The following FHIT variants were observed in gnomAD, a reference collection of about 807,000 sequenced individuals.
The protein encoded by FHIT is bis(5'-adenosyl)-triphosphatase.
In FHIT, 19 loss-of-function variants were observed where a neutral mutation model predicts 17.9. The observed-to-expected ratio is 1.06, with a 90% CI of 0.74 to 1.56. FHIT has a LOEUF of 1.56. Ranked by LOEUF, FHIT falls within the 40% of genes most tolerant of loss-of-function variation. The pLI is 0.00. For synonymous variants in FHIT, 81 were observed against 69.7 expected, an observed-to-expected ratio of 1.16 and a Z score of -0.81; for missense variants, 248 against 189.2, an observed-to-expected ratio of 1.31 and a Z score of -1.82.
intron 4 of FHIT, among the ~76,000 whole-genome samples, chr3:60,754,829 C>T (rs1553717887): frequency 6.6e-6 from 1 of 152,170 alleles, no homozygotes; most frequent in African/African-American, 2.4e-5. Flanking sequence ...ATAAACCTGA[C>T]AGTGTCCCAT....
intron 8 of FHIT, among the ~76,000 whole-genome samples, chr3:59,842,947 G>A (rs965594326): frequency 2.6e-5 from 4 of 151,972 alleles, no homozygotes; most frequent in Admixed American, 6.6e-5. Flanking sequence ...TTTGATGCCC[G>A]TGTCTCTGGT....
intron 8 of FHIT, among the ~76,000 whole-genome samples, chr3:59,825,079 G>C (rs1479285920): frequency 6.6e-6 from 1 of 152,202 alleles, no homozygotes; most frequent in Admixed American, 6.5e-5. Context: ...TGTTTGAAGT[G>C]TTGCAGTCTC....
intron 8 of FHIT, among the ~76,000 whole-genome samples, chr3:59,862,731 CG>C (rs1242852174): frequency 2.0e-5 from 3 of 152,076 alleles, no homozygotes; most frequent in Admixed American, 6.6e-5. Context: ...GAAGTAAGAT[CG>C]GGAGGGAAGA....
intron 5 of FHIT, among the ~76,000 whole-genome samples, chr3:60,300,803 C>T (rs1468411232): frequency 6.6e-6 from 1 of 152,026 alleles, no homozygotes; most frequent in Non-Finnish European, 1.5e-5. Flanking sequence ...ACCTCTGACT[C>T]CCCCTATTCC....
intron 4 of FHIT, among the ~76,000 whole-genome samples, chr3:60,557,933 C>G (rs530612384): frequency 6.6e-6 from 1 of 152,142 alleles, no homozygotes; most frequent in Non-Finnish European, 1.5e-5. Flanking sequence ...CATTTGCACC[C>G]TGGTTTCATT....
chr3:60,300,551 C>T (rs758622475), intron 5 of FHIT, among the ~76,000 whole-genome samples: 18 of 152,002 alleles, frequency 1.2e-4, no homozygotes, highest in South Asian at 4.1e-4. Flanking sequence ...ATGATATCAC[C>T]GAGGTGCCCT....
chr3:60,004,450 G>A (rs890898068), intron 7 of FHIT, among the ~76,000 whole-genome samples: 1 of 152,100 alleles, frequency 6.6e-6, no homozygotes, highest in African/African-American at 2.4e-5. Context: ...TTGACATACA[G>A]CAATAAAGCA....
rs73839580 is a variant in FHIT, at chr3:59,889,265, C to T, written c.348+33081G>A. Among the ~76,000 whole-genome samples, 1,153 of 152,328 alleles carry T rather than the reference C, an allele frequency of 7.6e-3. 15 individuals are homozygous for T. Among genetic ancestry groups the T allele is most frequent in the African/African-American group, 0.027 (1,107 of 41,562 alleles). On this transcript the variant is annotated intron_variant, in intron 8 of 9. Transcript: ENST00000492590. ...CACCAGGCATCAAGAGGCAGTCCAG[C>T]CTTTCTAATTCATACTGTCTGACAT... is the stretch of plus-strand genomic sequence containing the variant.
chr3:60,955,641 C>CACAT, intron 3 of FHIT, among the ~76,000 whole-genome samples: 1 of 33,376 alleles, frequency 3.0e-5, no homozygotes, highest in Non-Finnish European at 7.0e-5. Context: ...TATACACACA[C>CACAT]ACACATATAT....
chr3:61,213,738 T>C (rs2039570877), intron 1 of FHIT, among the ~76,000 whole-genome samples: 1 of 152,154 alleles, frequency 6.6e-6, no homozygotes, highest in African/African-American at 2.4e-5. Flanking sequence ...TATTCCAAAA[T>C]TGACCACATA....
chr3:61,207,762 A>C (rs1202870231), intron 1 of FHIT, among the ~76,000 whole-genome samples: 1 of 152,126 alleles, frequency 6.6e-6, no homozygotes, highest in African/African-American at 2.4e-5. Flanking sequence ...ATCTTTTCAA[A>C]AAACCAGCTC....
chr3:60,367,354 T>C (rs904678747), intron 5 of FHIT, among the ~76,000 whole-genome samples: 3 of 152,234 alleles, frequency 2.0e-5, no homozygotes, highest in Non-Finnish European at 4.4e-5. Context: ...TAGATTATTT[T>C]CTGAAAAGAA....
intron 5 of FHIT, among the ~76,000 whole-genome samples, chr3:60,131,068 TATGTATGTATACAC>T (rs751130152): frequency 0.26 from 26,482 of 101,480 alleles, 2,920 homozygotes; most frequent in African/African-American, 0.37. Context: ...CATACACATG[TATGTATGTATACAC>T]ATATATACAC....
intron 8 of FHIT, among the ~76,000 whole-genome samples, chr3:59,896,028 G>C (rs1704054172): frequency 6.6e-6 from 1 of 152,184 alleles, no homozygotes; most frequent in Non-Finnish European, 1.5e-5. Context: ...ACTCGTCAGA[G>C]AAATTTTTTG....
intron 5 of FHIT, among the ~76,000 whole-genome samples, chr3:60,297,557 C>G (rs553678079): frequency 6.8e-6 from 1 of 147,626 alleles, no homozygotes; most frequent in African/African-American, 2.5e-5. Context: ...CTAGGTATGA[C>G]TTACAAGGAA....
chr3:61,211,165 T>C (rs2039456274), intron 1 of FHIT, among the ~76,000 whole-genome samples: 1 of 151,648 alleles, frequency 6.6e-6, no homozygotes, highest in Non-Finnish European at 1.5e-5. Flanking sequence ...GGACAGTGGT[T>C]GCAGAGCACC....
chr3:60,747,062 G>T (rs2042372015), intron 4 of FHIT, among the ~76,000 whole-genome samples: 1 of 151,832 alleles, frequency 6.6e-6, no homozygotes. Context: ...TTACCTTACT[G>T]GTTTTATCTC....
intron 1 of FHIT, among the ~76,000 whole-genome samples, chr3:61,209,223 G>A (rs559786033): frequency 1.3e-5 from 2 of 152,298 alleles, no homozygotes; most frequent in South Asian, 2.1e-4. Flanking sequence ...TGGGTAACCC[G>A]ACCTTTCTCT....
Position 61,006,097 on chromosome 3 carries a change from G to A in FHIT, c.-111+35950C>T, listed in dbSNP as rs879576525. On this transcript the variant is annotated intron_variant, in intron 3 of 9. Coordinates refer to ENST00000492590, the MANE Select transcript of FHIT (RefSeq NM_002012.4). Reference sequence around the variant, plus strand: ...GGTTTTTAAAAAAAAAAAATTGCCTGAAGTCACATTTGAAAATAAAGAGCT... The same window carrying A: ...GGTTTTTAAAAAAAAAAAATTGCCTAAAGTCACATTTGAAAATAAAGAGCT... Among the ~76,000 whole-genome samples, 16 of 152,086 alleles carry A rather than the reference G, an allele frequency of 1.1e-4. No individual in the cohort carries two copies. In the East Asian group the frequency reaches 1.5e-3, roughly 15 times the overall value.
Sources: gnomAD v4.1 joint callset for allele counts (sites outside exome capture counted in the v4.1 genomes callset) on GRCh38, gnomAD v4.1.1 for gene constraint, MANE v1.5 for transcripts, NCBI Gene and HGNC (gene_info 2026-07-23, HGNC 2026-07-21) for gene names.